VPS35: variants seen among roughly 807,000 people sequenced by gnomAD.
VPS35 encodes VPS35 retromer complex component, also known as vacuolar protein sorting-associated protein 35.
In VPS35, 21 loss-of-function variants were observed where a neutral mutation model predicts 98.1. That is an observed-to-expected ratio of 0.21 (90% CI 0.15 to 0.31). VPS35 has a LOEUF of 0.31. Ranked by LOEUF, VPS35 falls within the 10% of genes least tolerant of loss-of-function variation. VPS35 has a pLI of 1.00. For missense variants in VPS35, 554 were observed against 950.8 expected (o/e 0.58, Z 5.49); for synonymous variants, 268 against 318.2 (o/e 0.84, Z 1.68).
At chr16:46,668,198 C>G (rs1966016704) in intron 13 of VPS35, among the ~76,000 whole-genome samples, 1 of 152,156 alleles carries the variant, frequency 6.6e-6, no homozygotes, top group Non-Finnish European at 1.5e-5. Context: ...AAGTTCGAGA[C>G]CAACTGGTCA....
rs1304553041 is a variant in VPS35 at position 46,660,653 on chromosome 16, T to C, written c.2212-2A>G. 6.2e-7 allele frequency: 1 copy of C among 1,612,740 alleles called. No individual in the cohort carries two copies. Among genetic ancestry groups the C allele is most frequent in the Non-Finnish European group, 8.5e-7 (1 of 1,179,484 alleles). On this transcript the variant is annotated splice_acceptor_variant, in intron 16 of 16. Transcript: ENST00000299138. LOFTEE classifies it high-confidence loss of function. ...CTGGTTTAAAACCTGAATTGTTACC[T>C]ACAAAAGAATATGTACAAATTCATG...
intron 13 of VPS35, among the ~76,000 whole-genome samples, chr16:46,666,337 C>T (rs1472442116): frequency 1.3e-5 from 2 of 150,978 alleles, no homozygotes; most frequent in African/African-American, 2.4e-5. Context: ...GGCACGATCT[C>T]GGCTCACCAC....
At chr16:46,669,763 T>C (rs1966041898) in intron 12 of VPS35, among the ~76,000 whole-genome samples, 1 of 152,134 alleles carries the variant, frequency 6.6e-6, no homozygotes, top group Non-Finnish European at 1.5e-5. Context: ...ACTTATTACA[T>C]GTGTGGCCTT....
chr16:46,685,991 A>T (rs934447789), intron 1 of VPS35, among the ~76,000 whole-genome samples: 3 of 152,204 alleles, frequency 2.0e-5, no homozygotes, highest in Non-Finnish European at 4.4e-5. Flanking sequence ...AATTACCACC[A>T]TCTATCTCTA....
intron 13 of VPS35, among the ~76,000 whole-genome samples, chr16:46,667,580 T>C (rs1966008659): frequency 6.6e-6 from 1 of 152,166 alleles, no homozygotes; most frequent in South Asian, 2.1e-4. Flanking sequence ...GTTGCATAGG[T>C]TTTTGGTTTC....
chr16:46,672,460 A>G lies in VPS35; in HGVS notation c.1173T>C (p.Ser391=). Residue 391 remains serine (S), a synonymous_variant, in exon 11 of 17, where the codon AGT becomes AGC. Transcript: ENST00000299138. ...TGGTGAGTTCCTTTGAAACTGCACT[A>G]CTGGTAGCAATACTACAAAAAGAAA... ...NKLNLEHIAT[S]SAVSKELTRL... 6.2e-7 allele frequency: 1 copy of G among 1,612,426 alleles called. No homozygotes were observed. The highest frequency in any genetic ancestry group is 2.2e-5 in the East Asian group (1 of 44,782).
rs145033509 is a variant in VPS35, at chr16:46,661,784, T to C, written c.2145A>G (p.Leu715=). 3.4e-4 allele frequency: 546 copies of C among 1,614,048 alleles called. No homozygotes were observed. Among genetic ancestry groups the C allele is most frequent in the Non-Finnish European group, 4.1e-4 (480 of 1,179,936 alleles). The part of the protein sequence containing the change: ...KIANQCMDPS[L]QVQLFIEILN... ...GAATTTCTATAAAAAGCTGCACTTG[T>C]AGAGAGGGGTCCATGCACTGATTTG... Residue 715 remains leucine (L), a synonymous_variant, in exon 16 of 17, where the codon CTA becomes CTG. Transcript: ENST00000299138. The surrounding 1 kb of genome is among the most constrained non-coding windows in gnomAD (Gnocchi z 4.3).
chr16:46,669,286 C>A (rs896054808), intron 12 of VPS35: 1 of 558,124 alleles, frequency 1.8e-6, no homozygotes, highest in Non-Finnish European at 3.2e-6. Context: ...GGTTGTATAA[C>A]CTGCCCAAGG....
chr16:46,677,818 G>A (rs1281899612), intron 6 of VPS35: 3 of 190,370 alleles, frequency 1.6e-5, no homozygotes, highest in Admixed American at 1.1e-4. Flanking sequence ...TTTTCTTCAT[G>A]GCTTGTGCTT....
chr16:46,687,185 T>C (rs1966329853), intron 1 of VPS35, among the ~76,000 whole-genome samples: 1 of 152,214 alleles, frequency 6.6e-6, no homozygotes, highest in South Asian at 2.1e-4. Context: ...AATCTGACAG[T>C]ACAATGTAAA....
intron 13 of VPS35, among the ~76,000 whole-genome samples, chr16:46,666,821 G>A (rs961287202): frequency 2.0e-5 from 3 of 152,046 alleles, no homozygotes; most frequent in African/African-American, 2.4e-5. Context: ...ACATATATAC[G>A]TATATACACA....
chr16:46,688,900 C>G (rs1966371543), intron 1 of VPS35: 1 of 1,452,908 alleles, frequency 6.9e-7, no homozygotes, highest in Non-Finnish European at 9.0e-7. Flanking sequence ...AGAGAGGCCG[C>G]CCCGTCTCTC....
At chr16:46,687,739 G>A (rs1966341762) in intron 1 of VPS35, among the ~76,000 whole-genome samples, 1 of 152,052 alleles carries the variant, frequency 6.6e-6, no homozygotes, top group South Asian at 2.1e-4. Context: ...GGCTGGGAAG[G>A]GCCAAAGGGG....
At chr16:46,678,723 T>C (rs1034032595) in intron 6 of VPS35, among the ~76,000 whole-genome samples, 5 of 152,256 alleles carry the variant, frequency 3.3e-5, no homozygotes, top group African/African-American at 1.2e-4. Flanking sequence ...TGAGATTACA[T>C]TGGATCTATA....
chr16:46,677,196 A>G, intron 7 of VPS35, 119 bp downstream of exon 7: 1 of 952,376 alleles, frequency 1.1e-6, no homozygotes. Flanking sequence ...ACACCCCGCA[A>G]GGAAAACTCT....
At position 46,674,400 on chromosome 16, in the gene VPS35, G is replaced by T. The variant is rs1189628135; in HGVS notation, c.1074C>A (p.Ala358=). ...CCACACGATCAGGGTAACATTTCAT[G>T]GCAAGATTAATCAGAGAGACTTGTA... ...VSLQVSLINL[A]MKCYPDRVDY... Residue 358 remains alanine (A), a synonymous_variant, in exon 10 of 17, where the codon GCC becomes GCA. Coordinates refer to ENST00000299138, the MANE Select transcript of VPS35 (RefSeq NM_018206.6). 6.2e-7 allele frequency: 1 copy of T among 1,613,748 alleles called. No homozygotes were observed. The highest frequency in any genetic ancestry group is 1.3e-5 in the African/African-American group (1 of 74,916).
intron 6 of VPS35, 37 bp downstream of exon 6, chr16:46,678,906 C>G: frequency 6.3e-7 from 1 of 1,596,772 alleles, no homozygotes; most frequent in Non-Finnish European, 8.6e-7. Context: ...TTCAGTTTAT[C>G]TCTGAACATA....
Position 46,672,341 on chromosome 16 carries a change from T to A in VPS35, c.1292A>T (p.Glu431Val), listed in dbSNP as rs139200616. Residue 431 changes from glutamate (E) to valine (V), a missense_variant, in exon 11 of 17, where the codon GAG (glutamate) becomes GTG (valine). Transcript: ENST00000299138. ...ATAACAACTCATGCTCTTTCTGGAC[T>A]CGTAGTCAAAGTACTCAAAGAGTGG... The part of the protein sequence containing the change: ...FHPLFEYFDY[E>V]SRKSMSCYVL... The A allele has an allele frequency of 3.1e-5, 50 of 1,613,744 alleles. No individual in the cohort carries two copies. Among genetic ancestry groups the A allele is most frequent in the Admixed American group, 2.7e-4 (16 of 59,982 alleles).
At chr16:46,676,904 ACC>A (rs1966160116) in intron 7 of VPS35, among the ~76,000 whole-genome samples, 1 of 152,178 alleles carries the variant, frequency 6.6e-6, no homozygotes, top group Non-Finnish European at 1.5e-5. Context: ...AGCTACAGAG[ACC>A]TAGAAAACTC....
Sources: allele counts gnomAD v4.1 joint callset (sites outside exome capture counted in the v4.1 genomes callset), GRCh38; gene constraint gnomAD v4.1.1; non-coding constraint Gnocchi (gnomAD v3.1); transcripts MANE v1.5; gene names NCBI Gene and HGNC (gene_info 2026-07-23, HGNC 2026-07-21).